C12orf42: variants seen among roughly 807,000 people sequenced by gnomAD.
C12orf42 encodes the protein chromosome 12 open reading frame 42.
A neutral mutation model predicts 21.6 loss-of-function variants in C12orf42; 25 were observed. That is an observed-to-expected ratio of 1.16 (90% confidence interval 0.84 to 1.62). The LOEUF is 1.62. C12orf42 is among the 40% of genes most tolerant of loss of function. The pLI, the probability that C12orf42 is intolerant of heterozygous loss-of-function variation, is 0.00. For missense variants in C12orf42, 483 were observed against 459.3 expected, an observed-to-expected ratio of 1.05 and a Z score of -0.47; for synonymous variants, 174 against 175.0, an observed-to-expected ratio of 0.99 and a Z score of 0.05.
chr12:103,451,526 T>C (rs1565850954), intron 2 of C12orf42, among the ~76,000 whole-genome samples: 1 of 152,078 alleles, frequency 6.6e-6, no homozygotes, highest in Non-Finnish European at 1.5e-5. Flanking sequence ...TTTTATTTTC[T>C]AACCCAGCCA....
intron 2 of C12orf42, among the ~76,000 whole-genome samples, chr12:103,417,561 C>T (rs570009456): frequency 1.3e-5 from 2 of 152,312 alleles, no homozygotes; most frequent in East Asian, 3.9e-4. Context: ...TGGCAGCATC[C>T]ATACTTTGTC....
chr12:103,049,736 A>C, the C12orf42 span, among the ~76,000 whole-genome samples: 1 of 152,156 alleles, frequency 6.6e-6, no homozygotes, highest in South Asian at 2.1e-4. Context: ...CACAAGTCTC[A>C]CTTCTACCTC....
chr12:103,084,797 T>C, the C12orf42 span, among the ~76,000 whole-genome samples: 1 of 152,354 alleles, frequency 6.6e-6, no homozygotes, highest in Non-Finnish European at 1.5e-5. Flanking sequence ...TGCATTGAGA[T>C]ACTGTCATTT....
chr12:103,446,971 A>G (rs1951617560), intron 2 of C12orf42, among the ~76,000 whole-genome samples: 1 of 152,060 alleles, frequency 6.6e-6, no homozygotes, highest in African/African-American at 2.4e-5. Context: ...GAAAGTCAAC[A>G]AAGAAACAAT....
the C12orf42 span, among the ~76,000 whole-genome samples, chr12:103,210,170 A>G: frequency 3.1e-3 from 468 of 152,072 alleles, 4 homozygotes; most frequent in African/African-American, 0.011. Flanking sequence ...TTCCTCTCAC[A>G]TTATTCCAAA....
intron 2 of C12orf42, among the ~76,000 whole-genome samples, chr12:103,474,387 A>T (rs1210592364): frequency 6.6e-6 from 1 of 150,406 alleles, no homozygotes; most frequent in African/African-American, 2.4e-5. Flanking sequence ...CTGATTGAAT[A>T]TATATATATA....
the C12orf42 span, among the ~76,000 whole-genome samples, chr12:103,176,857 T>C: frequency 6.6e-6 from 1 of 152,138 alleles, no homozygotes; most frequent in Admixed American, 6.5e-5. Context: ...GAAAATTATG[T>C]CCCCGTGAGT....
intron 4 of C12orf42, among the ~76,000 whole-genome samples, chr12:103,363,408 T>C (rs973313393): frequency 2.0e-5 from 3 of 152,120 alleles, no homozygotes; most frequent in Admixed American, 1.3e-4. Context: ...ATAAATCTCA[T>C]AGGAACTATA....
intron 4 of C12orf42, among the ~76,000 whole-genome samples, chr12:103,347,433 T>A (rs1174038874): frequency 6.6e-6 from 1 of 152,296 alleles, no homozygotes; most frequent in East Asian, 1.9e-4. Context: ...ATGTGCCACA[T>A]TTTCTTAGTC....
chr12:103,314,252 G>A (rs970053249), intron 4 of C12orf42, among the ~76,000 whole-genome samples: 1 of 151,966 alleles, frequency 6.6e-6, no homozygotes, highest in African/African-American at 2.4e-5. Flanking sequence ...GACAGGAGAG[G>A]TGTTGGGATG....
At chr12:103,110,221 A>G in the C12orf42 span, among the ~76,000 whole-genome samples, 1 of 152,248 alleles carries the variant, frequency 6.6e-6, no homozygotes, top group Non-Finnish European at 1.5e-5. Flanking sequence ...TAAAAAAATC[A>G]GAGAAAGAGA....
intron 4 of C12orf42, among the ~76,000 whole-genome samples, chr12:103,346,238 T>C (rs929597439): frequency 2.6e-5 from 4 of 152,326 alleles, no homozygotes; most frequent in East Asian, 1.9e-4. Flanking sequence ...ATTGGTCAAA[T>C]CTTTAAATAA....
chr12:103,499,621 C>A (rs953519580), upstream of C12orf42, among the ~76,000 whole-genome samples: 7 of 152,190 alleles, frequency 4.6e-5, no homozygotes, highest in African/African-American at 1.7e-4. Context: ...TAATAGTTTT[C>A]AACAGCAGCA....
intron 6 of C12orf42, among the ~76,000 whole-genome samples, chr12:103,269,469 A>C (rs1183231486): frequency 6.6e-6 from 1 of 152,142 alleles, no homozygotes; most frequent in Admixed American, 6.5e-5. Context: ...TGATCATAAT[A>C]ATGGTTTTTG....
chr12:103,114,452 A>C, the C12orf42 span, among the ~76,000 whole-genome samples: 1 of 152,148 alleles, frequency 6.6e-6, no homozygotes. Context: ...GAGAAATGCA[A>C]GTTCTCAGGC....
chr12:103,398,370 T>C (rs2138624617), intron 3 of C12orf42, among the ~76,000 whole-genome samples: 1 of 152,342 alleles, frequency 6.6e-6, no homozygotes, highest in Middle Eastern at 3.4e-3. Flanking sequence ...CAGTTAACTA[T>C]CTTTCTCTTA....
chr12:103,475,479 C>T (rs1953979239), intron 2 of C12orf42, among the ~76,000 whole-genome samples: 1 of 152,176 alleles, frequency 6.6e-6, no homozygotes, highest in African/African-American at 2.4e-5. Context: ...TGACAATTTT[C>T]TCAGGGTGGC....
intron 2 of C12orf42, among the ~76,000 whole-genome samples, chr12:103,420,559 T>C (rs2049795501): frequency 6.7e-6 from 1 of 148,232 alleles, no homozygotes; most frequent in African/African-American, 2.5e-5. Flanking sequence ...TTCATGTTTC[T>C]TTTTTTTTTA....
chr12:103,100,234 C>A, the C12orf42 span, among the ~76,000 whole-genome samples: 1 of 152,200 alleles, frequency 6.6e-6, no homozygotes, highest in Non-Finnish European at 1.5e-5. Flanking sequence ...GCAATCTTGC[C>A]CGCAGAATCG....
Sources: allele counts gnomAD v4.1 joint callset (sites outside exome capture counted in the v4.1 genomes callset), GRCh38; gene constraint gnomAD v4.1.1; transcripts MANE v1.5; gene names NCBI Gene and HGNC (gene_info 2026-07-23, HGNC 2026-07-21).